The following TXNDC8 variants were observed in gnomAD, a reference collection of about 807,000 sequenced individuals.
The protein encoded by TXNDC8 is thioredoxin domain-containing protein 8.
TXNDC8 carries 15 observed loss-of-function variants against 12.9 expected under a neutral mutation model. The observed-to-expected ratio is 1.16, with a 90% CI of 0.78 to 1.79. The LOEUF is 1.79. TXNDC8 is among the 40% of genes most tolerant of loss of function. TXNDC8 has a pLI of 0.00. For synonymous variants in TXNDC8, 40 were observed against 35.4 expected (o/e 1.13, Z -0.46); for missense variants, 128 against 113.2 (o/e 1.13, Z -0.59).
At chr9:110,322,491 T>C (rs955570889) in intron 3 of TXNDC8, 67 of 985,270 alleles carry the variant, frequency 6.8e-5, no homozygotes, top group Non-Finnish European at 8.0e-5. Flanking sequence ...ATGTCCTCTC[T>C]CCCCAGCTTA....
In TXNDC8 at chr9:110,326,190, G is replaced by T; in HGVS notation, c.180C>A (p.Phe60Leu). 6.2e-7 allele frequency: 1 copy of T among 1,613,972 alleles called. No homozygotes were observed. The highest frequency in any genetic ancestry group is 8.5e-7 in the Non-Finnish European group (1 of 1,179,952). The change falls in exon 3 of 5, where the codon TTC becomes TTA. Residue 60 changes from phenylalanine (F) to leucine (L), a missense_variant. Coordinates refer to ENST00000423740, the MANE Select transcript of TXNDC8 (RefSeq NM_001286946.2). The stretch of plus-strand genomic sequence containing the variant: ...GGAAACATACCTTCTGGCTTTTCTT[G>T]AACATCTGAAATGTGGGTATTGTTT...
intron 3 of TXNDC8, among the ~76,000 whole-genome samples, chr9:110,317,229 A>G (rs1838917015): frequency 1.3e-5 from 2 of 152,272 alleles, no homozygotes; most frequent in South Asian, 4.1e-4. Context: ...GTGAAACTTT[A>G]TTCTCAGGGA....
At chr9:110,319,182 C>CT (rs747078474) in intron 3 of TXNDC8, among the ~76,000 whole-genome samples, 1 of 152,150 alleles carries the variant, frequency 6.6e-6, no homozygotes, top group Non-Finnish European at 1.5e-5. Flanking sequence ...TAAGAGGTTT[C>CT]TTTTTTTCCT....
intron 3 of TXNDC8, among the ~76,000 whole-genome samples, chr9:110,310,811 C>G (rs1023903219): frequency 2.6e-5 from 4 of 152,182 alleles, no homozygotes; most frequent in African/African-American, 7.2e-5. Context: ...CTGCTAAACA[C>G]TATAAGGTGT....
In TXNDC8 at chr9:110,305,540, TTTTCTTTTTCTTTCTTTCTTTC is replaced by T. The variant is rs1260114306; in HGVS notation, c.196-1030_196-1009del. Among the ~76,000 whole-genome samples, 198 of 145,306 alleles carry T rather than the reference TTTTCTTTTTCTTTCTTTCTTTC, an allele frequency of 1.4e-3. 2 individuals are homozygous for T. The highest frequency in any genetic ancestry group is 2.5e-3 in the African/African-American group (96 of 38,884). On this transcript the variant is annotated intron_variant, in intron 3 of 4. Transcript: ENST00000423740. The stretch of plus-strand genomic sequence containing the variant: ...AGTTTTTGAAATTATACTGCATGTA[TTTTCTTTTTCTTTCTTTCTTTC>T]TTTCTTTCTTTCTTTCTTTCTTTCT...
At chr9:110,316,076 T>G (rs1838876970) in intron 3 of TXNDC8, among the ~76,000 whole-genome samples, 1 of 151,286 alleles carries the variant, frequency 6.6e-6, no homozygotes. Context: ...TTTTTTTTTT[T>G]GTATTTTTAG....
rs1052876197 is a variant in TXNDC8 at position 110,324,149 on chromosome 9, GA to G, written c.195+2025del. ...GAGAGTAACTGATGGATAGAGGCCT[GA>G]AGCAGAAGGTAGGGAATGCAATCAA... On this transcript the variant is annotated intron_variant, in intron 3 of 4. Coordinates refer to ENST00000423740, the MANE Select transcript of TXNDC8 (RefSeq NM_001286946.2). The G allele has an allele frequency of 7.4e-6, 8 of 1,074,152 alleles. No individual in the cohort carries two copies. The African/African-American group carries it at 1.3e-4, about 17-fold the overall frequency. 66.5% of individuals were successfully genotyped at this position (1,074,152 alleles called of 1,614,324 possible).
chr9:110,329,353 A>T, intron 2 of TXNDC8, 62 bp from the exon 3 acceptor site: 1 of 1,336,168 alleles, frequency 7.5e-7, no homozygotes, highest in East Asian at 2.4e-5. Context: ...TACACACTGG[A>T]AGTGTCTTTT....
chr9:110,323,881 G>A, intron 3 of TXNDC8: 1 of 1,550,624 alleles, frequency 6.4e-7, no homozygotes, highest in Non-Finnish European at 8.7e-7. Flanking sequence ...TATTTACCTA[G>A]CTGCTTAAGC....
chr9:110,325,245 G>T (rs1839261688), intron 3 of TXNDC8, among the ~76,000 whole-genome samples: 1 of 152,038 alleles, frequency 6.6e-6, no homozygotes, highest in South Asian at 2.1e-4. Flanking sequence ...GCCAGGATGG[G>T]TCTAAACACC....
intron 2 of TXNDC8, among the ~76,000 whole-genome samples, chr9:110,327,119 G>A (rs1411850832): frequency 6.6e-6 from 1 of 152,144 alleles, no homozygotes; most frequent in Non-Finnish European, 1.5e-5. Flanking sequence ...ACACAGGTTG[G>A]CAAGGATGTG....
chr9:110,321,748 A>G (rs1172575196), intron 3 of TXNDC8, among the ~76,000 whole-genome samples: 1 of 150,938 alleles, frequency 6.6e-6, no homozygotes, highest in Non-Finnish European at 1.5e-5. Context: ...AAGGAAATTT[A>G]TAGGAACATG....
chr9:110,304,068 A>C (rs902403931), intron 4 of TXNDC8, among the ~76,000 whole-genome samples: 1 of 152,216 alleles, frequency 6.6e-6, no homozygotes, highest in Non-Finnish European at 1.5e-5. Flanking sequence ...ATCAGAATGC[A>C]TTTCATAGTG....
chr9:110,313,660 C>T (rs1838772884), intron 3 of TXNDC8, among the ~76,000 whole-genome samples: 2 of 151,424 alleles, frequency 1.3e-5, no homozygotes, highest in African/African-American at 4.9e-5. Context: ...GAGACCGTGC[C>T]CCTGACTCCA....
intron 3 of TXNDC8, among the ~76,000 whole-genome samples, chr9:110,325,049 T>C (rs533766249): frequency 3.9e-5 from 6 of 152,172 alleles, no homozygotes; most frequent in African/African-American, 1.2e-4. Context: ...GAGGCGGAGG[T>C]TGCAGTGAGC....
intron 3 of TXNDC8, chr9:110,322,790 A>T (rs1463943381): frequency 1.0e-6 from 1 of 985,552 alleles, no homozygotes; most frequent in Non-Finnish European, 1.2e-6. Flanking sequence ...TGGCAGTGGG[A>T]TGCAGGGAAA....
intron 3 of TXNDC8, among the ~76,000 whole-genome samples, chr9:110,308,465 GT>G (rs34752105): frequency 0.23 from 33,535 of 147,468 alleles, 3,827 homozygotes; most frequent in Admixed American, 0.28. Flanking sequence ...AGATCACATT[GT>G]TTTTTTTTTT....
chr9:110,303,991 A>C (rs551572123), intron 4 of TXNDC8, among the ~76,000 whole-genome samples: 1 of 152,330 alleles, frequency 6.6e-6, no homozygotes, highest in Non-Finnish European at 1.5e-5. Context: ...ACTTCTCCCC[A>C]GGTAAGAGTA....
In TXNDC8 at chr9:110,311,296, G is replaced by T. The variant is rs559302117; in HGVS notation, c.196-6764C>A. On this transcript the variant is annotated intron_variant, in intron 3 of 4. Transcript: ENST00000423740. ...TTGTAGACAAACTCATCATAATTGAGAATCTAAAGTTATATTAAATTAATA... is the reference window on the plus strand; with the variant it reads ...TTGTAGACAAACTCATCATAATTGATAATCTAAAGTTATATTAAATTAATA... Among the ~76,000 whole-genome samples, 4 of 151,768 alleles carry T rather than the reference G, an allele frequency of 2.6e-5. No homozygotes were observed. The East Asian group carries it at 5.8e-4, about 22-fold the overall frequency.
Sources: allele counts gnomAD v4.1 joint callset (sites outside exome capture counted in the v4.1 genomes callset), GRCh38; gene constraint gnomAD v4.1.1; transcripts MANE v1.5; gene names NCBI Gene and HGNC (gene_info 2026-07-23, HGNC 2026-07-21).